The following ROBO1 variants were observed in gnomAD, a reference collection of about 807,000 sequenced individuals.
ROBO1 encodes roundabout guidance receptor 1.
In ROBO1, 149 loss-of-function variants were observed where a neutral mutation model predicts 195.9. The observed-to-expected ratio is 0.76, with a 90% CI of 0.67 to 0.87. ROBO1 has a LOEUF of 0.87. Ranked by LOEUF, ROBO1 falls within the 40% of genes least tolerant of loss-of-function variation. The pLI is 0.00. For synonymous variants in ROBO1, 816 were observed against 733.2 expected (o/e 1.11, Z -1.82); for missense variants, 1,933 against 2,068.3 (o/e 0.93, Z 1.27).
intron 2 of ROBO1, among the ~76,000 whole-genome samples, chr3:79,185,845 C>T (rs536109346): frequency 5.9e-5 from 9 of 152,038 alleles, no homozygotes; most frequent in Admixed American, 2.6e-4. Context: ...AAATGAATTT[C>T]AGATTATAGA....
chr3:79,566,343 G>A (rs909885026), intron 2 of ROBO1, among the ~76,000 whole-genome samples: 1 of 152,030 alleles, frequency 6.6e-6, no homozygotes, highest in Non-Finnish European at 1.5e-5. Flanking sequence ...AACAGGTAAA[G>A]AAGAAAGCAA....
At chr3:78,776,772 T>C (rs1352914085) in intron 4 of ROBO1, among the ~76,000 whole-genome samples, 1 of 152,246 alleles carries the variant, frequency 6.6e-6, no homozygotes, top group Non-Finnish European at 1.5e-5. Flanking sequence ...CTTAGCTCTG[T>C]CATTTACTTA....
chr3:79,607,427 A>G (rs1944523625), intron 1 of ROBO1, among the ~76,000 whole-genome samples: 1 of 151,718 alleles, frequency 6.6e-6, no homozygotes, highest in Admixed American at 6.6e-5. Flanking sequence ...CTTAAGTTTA[A>G]AAACTCAGAG....
At chr3:79,594,168 C>T (rs1364998879) in intron 1 of ROBO1, among the ~76,000 whole-genome samples, 1 of 151,970 alleles carries the variant, frequency 6.6e-6, no homozygotes, top group Non-Finnish European at 1.5e-5. Flanking sequence ...TTAGCAAACA[C>T]ACTAACCCCT....
rs1576216678 is a variant in ROBO1, at chr3:79,677,059, C to G, written c.-50-87098G>C. Among the ~76,000 whole-genome samples the G allele has an allele frequency of 2.0e-5, 3 of 151,942 alleles. No individual in the cohort carries two copies. In the South Asian group the frequency reaches 6.2e-4, roughly 32 times the overall value. Reference sequence around the variant, plus strand: ...CTGTAATAGACAGACTCAAAGGTGGCCCTTTCATGATTCCCAACTCTTGGT... The same window carrying G: ...CTGTAATAGACAGACTCAAAGGTGGGCCTTTCATGATTCCCAACTCTTGGT... On this transcript the variant is annotated intron_variant, in intron 1 of 30. Transcript: ENST00000464233.
intron 2 of ROBO1, among the ~76,000 whole-genome samples, chr3:79,218,509 C>A (rs1277333903): frequency 2.6e-5 from 4 of 151,844 alleles, no homozygotes; most frequent in African/African-American, 9.7e-5. Context: ...ATACTGAATC[C>A]TATTTTATTG....
At position 79,183,080 on chromosome 3, in the gene ROBO1, C is replaced by CAAAAAAAAAAAAAAAAAAA. The variant is rs1304597488; in HGVS notation, c.89-57542_89-57541insTTTTTTTTTTTTTTTTTTT. ...TGGGTGACAGAGAGAGACTCCAACT[C>CAAAAAAAAAAAAAAAAAAA]AAAAAAAAAAAAAAAAAGATACATA... On this transcript the variant is annotated intron_variant, in intron 2 of 30. Coordinates refer to ENST00000464233, the MANE Select transcript of ROBO1 (RefSeq NM_002941.4). 4.3e-4 allele frequency among the ~76,000 whole-genome samples: 28 copies of CAAAAAAAAAAAAAAAAAAA among 64,808 alleles called. 1 individual carries two copies. Among genetic ancestry groups the CAAAAAAAAAAAAAAAAAAA allele is most frequent in the African/African-American group, 1.2e-3 (23 of 18,598 alleles). The allele number at this position is 64,808 out of a possible 152,430, so 42.5% of individuals were successfully genotyped here. A position where few individuals can be genotyped will look rare whatever the true frequency, so the allele number is the denominator to read the frequency against.
At chr3:78,704,170 G>C (rs1431675364) in intron 8 of ROBO1, among the ~76,000 whole-genome samples, 2 of 152,042 alleles carry the variant, frequency 1.3e-5, no homozygotes, top group Non-Finnish European at 2.9e-5. Flanking sequence ...CCACGTTAAT[G>C]GTCAGAAACA....
intron 3 of ROBO1, chr3:79,019,278 T>A: frequency 3.0e-6 from 3 of 985,776 alleles, no homozygotes; most frequent in Non-Finnish European, 3.6e-6. Context: ...GGCAGCTGCC[T>A]GCACCCCTGG....
intron 4 of ROBO1, among the ~76,000 whole-genome samples, chr3:78,800,579 C>G (rs552752299): frequency 2.9e-4 from 44 of 152,110 alleles, no homozygotes; most frequent in South Asian, 2.1e-4. Flanking sequence ...TTTTAGAAGA[C>G]AGAGTCTCAC....
intron 2 of ROBO1, among the ~76,000 whole-genome samples, chr3:79,564,035 T>TTAA (rs1553765557): frequency 2.7e-5 from 4 of 148,034 alleles, no homozygotes; most frequent in African/African-American, 9.9e-5. Flanking sequence ...ATGGTAAAAT[T>TTAA]AAAAAAAAAA....
At position 78,884,603 on chromosome 3, in the gene ROBO1, G is replaced by GAGAA. The variant is rs1213591891; in HGVS notation, c.499+53994_499+53997dup. On this transcript the variant is annotated intron_variant, in intron 4 of 30. Transcript: ENST00000464233. ...AGAGAAAGGGAGAAAGAAAGAAAGA[G>GAGAA]AGAAAGAGAGAAAGAAAGAGAGAAA... is the stretch of plus-strand genomic sequence containing the variant. Among the ~76,000 whole-genome samples, 97 of 128,970 alleles carry GAGAA rather than the reference G, an allele frequency of 7.5e-4. 1 individual carries two copies. The highest frequency in any genetic ancestry group is 3.1e-3 in the African/African-American group (92 of 30,036). The allele number at this position is 128,970 out of a possible 152,430, so 84.6% of individuals were successfully genotyped here.
At chr3:79,054,823 T>C (rs2078772589) in intron 3 of ROBO1, among the ~76,000 whole-genome samples, 1 of 152,050 alleles carries the variant, frequency 6.6e-6, no homozygotes, top group Admixed American at 6.6e-5. Context: ...GTGGGGCCAG[T>C]CCCAGGCCCC....
At chr3:79,445,845 T>G (rs2039235150) in intron 2 of ROBO1, among the ~76,000 whole-genome samples, 1 of 151,978 alleles carries the variant, frequency 6.6e-6, no homozygotes, top group Admixed American at 6.5e-5. Flanking sequence ...GTACAGACGG[T>G]GTTTCACCGT....
chr3:79,605,785 T>C (rs1482162505), intron 1 of ROBO1, among the ~76,000 whole-genome samples: 1 of 151,966 alleles, frequency 6.6e-6, no homozygotes, highest in East Asian at 1.9e-4. Context: ...ATATCCACTT[T>C]AGACAAAAAT....
In ROBO1 at chr3:78,885,412, TAAAAAAAAAAAAAAAAA is replaced by T. The variant is rs59912706; in HGVS notation, c.499+53172_499+53188del. Among the ~76,000 whole-genome samples the T allele has an allele frequency of 8.0e-3, 430 of 53,766 alleles. 11 individuals are homozygous for T. Among genetic ancestry groups the T allele is most frequent in the Non-Finnish European group, 5.8e-3 (181 of 31,120 alleles). 35.3% of individuals were successfully genotyped at this position (53,766 alleles called of 152,430 possible). A position where few individuals can be genotyped will look rare whatever the true frequency, so the allele number is the denominator to read the frequency against. Reference sequence around the variant, plus strand: ...GCACTTGTAACCCTGAATTTAAAACTAAAAAAAAAAAAAAAAAAAAAAAAAAAAAACTGAGAGTTCTC... The same window carrying T: ...GCACTTGTAACCCTGAATTTAAAACTAAAAAAAAAAAAACTGAGAGTTCTC... On this transcript the variant is annotated intron_variant, in intron 4 of 30. Transcript: ENST00000464233.
intron 3 of ROBO1, among the ~76,000 whole-genome samples, chr3:79,050,516 A>G (rs2078676617): frequency 6.6e-6 from 1 of 152,150 alleles, no homozygotes; most frequent in South Asian, 2.1e-4. Flanking sequence ...AAGGATATCC[A>G]GGACTTGAAC....
intron 1 of ROBO1, among the ~76,000 whole-genome samples, chr3:79,601,281 G>T (rs1944332103): frequency 6.6e-6 from 1 of 151,892 alleles, no homozygotes; most frequent in Non-Finnish European, 1.5e-5. Context: ...ATTCGGATGG[G>T]ATTTCAGATA....
At chr3:79,127,293 C>T (rs1368532033) in intron 2 of ROBO1, among the ~76,000 whole-genome samples, 1 of 152,180 alleles carries the variant, frequency 6.6e-6, no homozygotes, top group East Asian at 1.9e-4. Flanking sequence ...TGTCACAAGT[C>T]ATCTTGCTCA....
Sources: allele counts gnomAD v4.1 joint callset (sites outside exome capture counted in the v4.1 genomes callset), GRCh38; gene constraint gnomAD v4.1.1; transcripts MANE v1.5; gene names NCBI Gene and HGNC (gene_info 2026-07-23, HGNC 2026-07-21).